DNAH12: variants seen among roughly 807,000 people sequenced by gnomAD.
DNAH12 encodes axonemal beta dynein heavy chain 12.
A neutral mutation model predicts 371.5 loss-of-function variants in DNAH12; 285 were observed. The observed-to-expected ratio is 0.77, with a 90% CI of 0.70 to 0.85. The LOEUF is 0.85. Ranked by LOEUF, DNAH12 falls within the 40% of genes least tolerant of loss-of-function variation. DNAH12 has a pLI of 0.00. For synonymous variants in DNAH12, 1,200 were observed against 1,213.0 expected (o/e 0.99, Z 0.22); for missense variants, 3,611 against 3,689.4 (o/e 0.98, Z 0.55).
At chr3:57,440,082 T>C (rs557896842) in intron 29 of DNAH12, among the ~76,000 whole-genome samples, 1 of 152,206 alleles carries the variant, frequency 6.6e-6, no homozygotes, top group Non-Finnish European at 1.5e-5. Context: ...TTGGTAGGAA[T>C]GCAAATTAGT....
In DNAH12 at chr3:57,433,723, C is replaced by A. The variant is rs1485463227; in HGVS notation, c.4761G>T (p.Lys1587Asn). 5 of 1,551,264 alleles carry A rather than the reference C, an allele frequency of 3.2e-6. No individual in the cohort carries two copies. The African/African-American group carries it at 6.8e-5, about 21-fold the overall frequency. Residue 1587 changes from lysine to asparagine, a missense_variant, in exon 31 of 74, where the codon AAG (lysine) becomes AAT (asparagine). Coordinates refer to ENST00000495027, the MANE Select transcript of DNAH12 (RefSeq NM_001366028.2). Reference protein sequence around the residue: ...MNEHGYGEEEKVIYRTVNPKS... With the variant: ...MNEHGYGEEENVIYRTVNPKS... ...TGGGGTTTACAGTTCTATAAATGAC[C>A]TTTTCTTCCTCTCCATAGCCATGTT...
intron 29 of DNAH12, among the ~76,000 whole-genome samples, chr3:57,440,652 G>A (rs1407637964): frequency 6.6e-6 from 1 of 152,096 alleles, no homozygotes; most frequent in Non-Finnish European, 1.5e-5. Context: ...AAACAAACCT[G>A]CACATGTACC....
At chr3:57,421,363 C>T (rs73074565) in intron 36 of DNAH12, among the ~76,000 whole-genome samples, 155 bp downstream of exon 36, 2,800 of 152,122 alleles carry the variant, frequency 0.018, 34 homozygotes, top group South Asian at 0.051. Context: ...TTTATTTATA[C>T]AGCCAATAAG....
At chr3:57,373,708 C>A (rs1400569323) in intron 55 of DNAH12, among the ~76,000 whole-genome samples, 1 of 152,080 alleles carries the variant, frequency 6.6e-6, no homozygotes, top group Non-Finnish European at 1.5e-5. Flanking sequence ...CAGAATTAAC[C>A]GACTCAAGGG....
intron 2 of DNAH12, among the ~76,000 whole-genome samples, chr3:57,525,036 AC>A (rs2068586099): frequency 1.3e-5 from 2 of 152,136 alleles, no homozygotes; most frequent in South Asian, 4.1e-4. Flanking sequence ...AAAAAAGCAT[AC>A]AAGGGAAATT....
chr3:57,346,169 C>T (rs1553657964), intron 60 of DNAH12, among the ~76,000 whole-genome samples: 1 of 152,018 alleles, frequency 6.6e-6, no homozygotes. Flanking sequence ...AAAATACATA[C>T]AATTATTATA....
intron 11 of DNAH12, chr3:57,493,636 G>C (rs968876428): frequency 6.6e-6 from 1 of 152,038 alleles, no homozygotes; most frequent in Non-Finnish European, 1.5e-5. Flanking sequence ...ACACATAGTC[G>C]TCTCAATAGC....
chr3:57,447,219 C>G (rs2065534114), intron 25 of DNAH12, among the ~76,000 whole-genome samples: 1 of 152,160 alleles, frequency 6.6e-6, no homozygotes, highest in African/African-American at 2.4e-5. Flanking sequence ...CTTCTCTTAC[C>G]GGTAGTATCA....
intron 16 of DNAH12, 63 bp from the exon 17 acceptor site, chr3:57,469,042 T>G: frequency 1.4e-5 from 19 of 1,395,560 alleles, no homozygotes; most frequent in Non-Finnish European, 1.6e-5. Flanking sequence ...GCCTTAGAGA[T>G]CCTTTAGGCT....
At chr3:57,332,290 A>G (rs957804443) in intron 62 of DNAH12, among the ~76,000 whole-genome samples, 3 of 152,214 alleles carry the variant, frequency 2.0e-5, no homozygotes, top group Admixed American at 1.3e-4. Context: ...TTACCTTTAG[A>G]AAGATTTCTG....
rs1173239161 is a variant in DNAH12 at position 57,408,367 on chromosome 3, T to G, written c.6189A>C (p.Ser2063=). The G allele has an allele frequency of 1.9e-6, 3 of 1,551,482 alleles. No individual in the cohort carries two copies. The highest frequency in any genetic ancestry group is 2.6e-6 in the Non-Finnish European group (3 of 1,146,922). Residue 2063 remains serine, a synonymous_variant, in exon 40 of 74, where the codon TCA becomes TCC. Transcript: ENST00000495027. ...TTCTAAGGTAGAATGCTACAATAGA[T>G]GAGAAGATTCGGACCATAGTTTCAT... ...FSDETMVRIF[S]SIVAFYLRTH...
chr3:57,472,875 A>G (rs2066407495), intron 13 of DNAH12, among the ~76,000 whole-genome samples: 1 of 152,190 alleles, frequency 6.6e-6, no homozygotes, highest in Non-Finnish European at 1.5e-5. Context: ...ACATAATTGT[A>G]TACTTTTATG....
rs569510166 is a variant in DNAH12 at position 57,498,887 on chromosome 3, T to C, written c.1335+2434A>G. 1.8e-3 allele frequency among the ~76,000 whole-genome samples: 267 copies of C among 152,128 alleles called. 1 individual carries two copies. Among genetic ancestry groups the C allele is most frequent in the Non-Finnish European group, 3.1e-3 (208 of 67,998 alleles). ...GGTGATGGGTGCCTGTAATCCCAGC[T>C]ACTCGGGCGGCTGAAGCAGGAGAAT... is the stretch of plus-strand genomic sequence containing the variant. On this transcript the variant is annotated intron_variant, in intron 11 of 73. Transcript: ENST00000495027.
At chr3:57,448,510 T>C (rs1007095610) in intron 25 of DNAH12, among the ~76,000 whole-genome samples, 3 of 148,838 alleles carry the variant, frequency 2.0e-5, no homozygotes, top group African/African-American at 4.9e-5. Flanking sequence ...CTGTAGGTCT[T>C]CGCAGTGAGT....
At chr3:57,346,133 G>C (rs2062536623) in intron 60 of DNAH12, among the ~76,000 whole-genome samples, 1 of 152,054 alleles carries the variant, frequency 6.6e-6, no homozygotes, top group African/African-American at 2.4e-5. Context: ...TAACCTGTAT[G>C]TTCTGAAATA....
chr3:57,398,901 A>C (rs2063799099), intron 43 of DNAH12, among the ~76,000 whole-genome samples: 1 of 152,198 alleles, frequency 6.6e-6, no homozygotes, highest in African/African-American at 2.4e-5. Flanking sequence ...GAAATAGAGA[A>C]TCCTGTATTA....
chr3:57,497,123 C>T (rs1559721606), intron 11 of DNAH12, among the ~76,000 whole-genome samples: 1 of 152,210 alleles, frequency 6.6e-6, no homozygotes, highest in South Asian at 2.1e-4. Context: ...TAAATACACA[C>T]TATGGTCATG....
intron 11 of DNAH12, among the ~76,000 whole-genome samples, chr3:57,491,099 A>AAAAAAAAACAAC (rs56259991): frequency 8.9e-6 from 1 of 112,790 alleles, no homozygotes; most frequent in African/African-American, 3.5e-5. Context: ...AAAAAAAAAA[A>AAAAAAAAACAAC]AACAACAAAT....
intron 65 of DNAH12, among the ~76,000 whole-genome samples, chr3:57,320,955 T>C (rs17792300): frequency 0.024 from 3,583 of 152,350 alleles, 64 homozygotes; most frequent in Admixed American, 0.035. Context: ...ATGGCAAGGA[T>C]ACTAACTTCA....
Sources: allele counts gnomAD v4.1 joint callset (sites outside exome capture counted in the v4.1 genomes callset), GRCh38; gene constraint gnomAD v4.1.1; transcripts MANE v1.5; gene names NCBI Gene and HGNC (gene_info 2026-07-23, HGNC 2026-07-21).